The following AUTS2 variants were observed in gnomAD, a reference collection of about 807,000 sequenced individuals.
The protein encoded by AUTS2 is activator of transcription and developmental regulator AUTS2.
AUTS2 carries 17 observed loss-of-function variants against 112.4 expected under a neutral mutation model. The observed-to-expected ratio is 0.15, with a 90% CI of 0.10 to 0.23. The LOEUF (loss-of-function observed/expected upper bound fraction) is 0.23. AUTS2 is among the 10% of genes least tolerant of loss of function. The pLI is 1.00. For synonymous variants in AUTS2, 751 were observed against 702.7 expected (o/e 1.07, Z -1.09); for missense variants, 1,510 against 1,701.6 (o/e 0.89, Z 1.98).
chr7:70,125,356 C>G (rs768259139), intron 3 of AUTS2, among the ~76,000 whole-genome samples: 1 of 151,948 alleles, frequency 6.6e-6, no homozygotes, highest in Non-Finnish European at 1.5e-5. Flanking sequence ...TAATTTTTCC[C>G]CCATTCTGAC....
At chr7:70,625,999 A>G (rs144978447) in intron 5 of AUTS2, among the ~76,000 whole-genome samples, 3,352 of 151,744 alleles carry the variant, frequency 0.022, 74 homozygotes, top group African/African-American at 0.047. Context: ...TGCAACCTTC[A>G]CCTCCCAGGT....
chr7:70,041,570 A>G (rs1801248803), intron 2 of AUTS2, among the ~76,000 whole-genome samples: 1 of 152,212 alleles, frequency 6.6e-6, no homozygotes, highest in Admixed American at 6.5e-5. Context: ...CTGTATACTC[A>G]AAGGATTTAT....
At chr7:69,978,996 A>C (rs950702789) in intron 2 of AUTS2, among the ~76,000 whole-genome samples, 1 of 152,040 alleles carries the variant, frequency 6.6e-6, no homozygotes, top group East Asian at 1.9e-4. Context: ...TATGTACTCT[A>C]GCTTAGCCTT....
chr7:69,726,544 T>G (rs895811329), intron 1 of AUTS2, among the ~76,000 whole-genome samples: 2 of 151,630 alleles, frequency 1.3e-5, no homozygotes, highest in African/African-American at 4.8e-5. Flanking sequence ...AGGTCATGAT[T>G]TTTTTTTAAC....
intron 2 of AUTS2, among the ~76,000 whole-genome samples, chr7:70,025,845 A>C (rs1337293828): frequency 1.3e-5 from 2 of 150,404 alleles, no homozygotes; most frequent in Non-Finnish European, 3.0e-5. Context: ...TTAAAAGCAC[A>C]CACAGTGGAG....
chr7:70,471,856 G>T (rs1361776949), intron 5 of AUTS2, among the ~76,000 whole-genome samples: 1 of 152,066 alleles, frequency 6.6e-6, no homozygotes, highest in South Asian at 2.1e-4. Context: ...AGTGCAGGCA[G>T]TGTGCACAGG....
Position 70,377,340 on chromosome 7 carries a change from A to G in AUTS2, c.661-58412A>G, listed in dbSNP as rs1330466265. 9.8e-4 allele frequency among the ~76,000 whole-genome samples: 64 copies of G among 65,364 alleles called. 2 individuals carry two copies. The highest frequency in any genetic ancestry group is 3.5e-3 in the African/African-American group (57 of 16,388). The allele number at this position is 65,364 out of a possible 152,430, so 42.9% of individuals were successfully genotyped here. The stretch of plus-strand genomic sequence containing the variant: ...AACAAATATAAATATATATATATAT[A>G]TATATATATATATATATATATATAT... On this transcript the variant is annotated intron_variant, in intron 4 of 18. Transcript: ENST00000342771.
At position 70,645,567 on chromosome 7, in the gene AUTS2, C is replaced by T. The variant is rs956925858; in HGVS notation, c.691-53002C>T. 9.2e-5 allele frequency among the ~76,000 whole-genome samples: 14 copies of T among 152,178 alleles called. No individual in the cohort carries two copies. The South Asian group carries it at 1.0e-3, about 11-fold the overall frequency. ...GGTTTTTTCCCATAGAGTTTTCTGG[C>T]CGCTCTGTTCTGGGCAGACCATGGG... On this transcript the variant is annotated intron_variant, in intron 5 of 18. Coordinates refer to ENST00000342771, the MANE Select transcript of AUTS2 (RefSeq NM_015570.4).
At chr7:69,968,761 T>A (rs1797729273) in intron 2 of AUTS2, among the ~76,000 whole-genome samples, 1 of 152,152 alleles carries the variant, frequency 6.6e-6, no homozygotes, top group Admixed American at 6.6e-5. Context: ...CTCCTTATGA[T>A]TATATGCATA....
At chr7:70,003,231 TATATATGA>T (rs1467435808) in intron 2 of AUTS2, among the ~76,000 whole-genome samples, 2 of 133,264 alleles carry the variant, frequency 1.5e-5, no homozygotes, top group African/African-American at 5.6e-5. Context: ...ATGAATATAT[TATATATGA>T]ATATATTATA....
At chr7:70,758,960 G>C (rs901258407) in intron 6 of AUTS2, among the ~76,000 whole-genome samples, 1 of 152,114 alleles carries the variant, frequency 6.6e-6, no homozygotes, top group Non-Finnish European at 1.5e-5. Flanking sequence ...AACTGTTTCA[G>C]CCCCCGAAGT....
chr7:69,768,379 CA>C (rs1788520227), intron 1 of AUTS2, among the ~76,000 whole-genome samples: 1 of 152,186 alleles, frequency 6.6e-6, no homozygotes, highest in Non-Finnish European at 1.5e-5. Flanking sequence ...TAGTGGAGTA[CA>C]TTTCAGTTTC....
At chr7:70,722,629 A>AATC (rs1176731231) in intron 6 of AUTS2, among the ~76,000 whole-genome samples, 1 of 152,218 alleles carries the variant, frequency 6.6e-6, no homozygotes, top group African/African-American at 2.4e-5. Context: ...CTGACAGGTT[A>AATC]ATCAATAAGG....
In AUTS2 at chr7:70,454,190, G is replaced by T. The variant is rs566663629; in HGVS notation, c.690+18409G>T. On this transcript the variant is annotated intron_variant, in intron 5 of 18. Transcript: ENST00000342771. ...TGTCAGACAAAAAGATCTGAATGGG[G>T]GTCTCTCTTTTTTTGGGGAAGGTAA... Among the ~76,000 whole-genome samples the T allele has an allele frequency of 2.6e-5, 4 of 152,236 alleles. No individual in the cohort carries two copies. In the South Asian group the frequency reaches 6.2e-4, roughly 24 times the overall value.
intron 1 of AUTS2, among the ~76,000 whole-genome samples, chr7:69,814,846 C>T (rs892973502): frequency 2.0e-5 from 3 of 152,196 alleles, no homozygotes; most frequent in Admixed American, 2.0e-4. Flanking sequence ...CAAGAATGCT[C>T]CGCCCTTGAC....
At chr7:70,208,593 A>G (rs982364508) in intron 4 of AUTS2, among the ~76,000 whole-genome samples, 2 of 152,118 alleles carry the variant, frequency 1.3e-5, no homozygotes, top group Non-Finnish European at 2.9e-5. Flanking sequence ...CAAGAACAGA[A>G]GCCTTGCTGT....
At chr7:70,610,531 G>A (rs1022302206) in intron 5 of AUTS2, among the ~76,000 whole-genome samples, 5 of 146,082 alleles carry the variant, frequency 3.4e-5, no homozygotes. Flanking sequence ...AACCTCCTGG[G>A]CTCAGGCTTT....
chr7:69,849,463 T>G (rs1792361131), intron 1 of AUTS2, among the ~76,000 whole-genome samples: 1 of 152,150 alleles, frequency 6.6e-6, no homozygotes, highest in Admixed American at 6.5e-5. Flanking sequence ...CAGAACTGTT[T>G]CATCATCACG....
intron 4 of AUTS2, among the ~76,000 whole-genome samples, chr7:70,430,476 C>G (rs1795610967): frequency 1.3e-5 from 2 of 151,974 alleles, no homozygotes; most frequent in Admixed American, 1.3e-4. Context: ...ATACTAAGGC[C>G]CAGAGAGTTT....
Sources: gnomAD v4.1 joint callset for allele counts (sites outside exome capture counted in the v4.1 genomes callset) on GRCh38, gnomAD v4.1.1 for gene constraint, MANE v1.5 for transcripts, NCBI Gene and HGNC (gene_info 2026-07-23, HGNC 2026-07-21) for gene names.